The following SMIM36 variants were observed in gnomAD, a reference collection of about 807,000 sequenced individuals.
SMIM36 encodes the protein small integral membrane protein 36.
chr17:55,520,424 C>A, the SMIM36 span, among the ~76,000 whole-genome samples: 3 of 152,184 alleles, frequency 2.0e-5, no homozygotes, highest in Admixed American at 6.5e-5. Flanking sequence ...TTAAAGGAAG[C>A]AATTTATGGC....
intron 1 of SMIM36, among the ~76,000 whole-genome samples, chr17:55,491,919 G>A (rs766634959): frequency 1.3e-5 from 2 of 152,094 alleles, no homozygotes; most frequent in African/African-American, 4.8e-5. Context: ...CAGCACTTCC[G>A]GAGGCCGAGG....
the SMIM36 span, among the ~76,000 whole-genome samples, chr17:55,525,008 C>G: frequency 6.6e-6 from 1 of 152,186 alleles, no homozygotes; most frequent in Admixed American, 6.5e-5. Context: ...AACTGAGGCA[C>G]AGACAGGTTG....
chr17:55,492,805 A>G (rs572178100), intron 1 of SMIM36, among the ~76,000 whole-genome samples: 1 of 152,310 alleles, frequency 6.6e-6, no homozygotes, highest in South Asian at 2.1e-4. Flanking sequence ...TATGTTTCAC[A>G]TTGTTAAAGT....
At chr17:55,452,787 C>A (rs1908943432) in intron 4 of SMIM36, among the ~76,000 whole-genome samples, 1 of 152,208 alleles carries the variant, frequency 6.6e-6, no homozygotes, top group Non-Finnish European at 1.5e-5. Context: ...TACTCTCCTC[C>A]TCTGTAAATT....
At chr17:55,468,553 C>T (rs559524051) in intron 3 of SMIM36, among the ~76,000 whole-genome samples, 13 of 152,228 alleles carry the variant, frequency 8.5e-5, no homozygotes, top group African/African-American at 1.2e-4. Context: ...GTCTGATCAC[C>T]GTGGGGATGC....
the SMIM36 span, among the ~76,000 whole-genome samples, chr17:55,524,173 A>G: frequency 9.9e-5 from 15 of 152,156 alleles, no homozygotes; most frequent in Admixed American, 2.0e-4. Context: ...AACATGCATT[A>G]TTTGGTTTTC....
At chr17:55,523,057 G>T in the SMIM36 span, among the ~76,000 whole-genome samples, 4 of 152,136 alleles carry the variant, frequency 2.6e-5, no homozygotes, top group Non-Finnish European at 5.9e-5. Flanking sequence ...TTAATGCTGT[G>T]GGCTGAATTG....
chr17:55,493,342 G>C (rs1909745865), intron 1 of SMIM36, among the ~76,000 whole-genome samples: 1 of 152,178 alleles, frequency 6.6e-6, no homozygotes, highest in Non-Finnish European at 1.5e-5. Flanking sequence ...TTAGTGGCTG[G>C]GCTAAGAATT....
chr17:55,498,537 C>T (rs1909849105), intron 1 of SMIM36, among the ~76,000 whole-genome samples: 1 of 151,848 alleles, frequency 6.6e-6, no homozygotes, highest in South Asian at 2.1e-4. Context: ...ATGCCAGATA[C>T]TTTATGTGTG....
At chr17:55,515,084 G>GTTTTTTTTTTTTTTTTTTT (rs1567874075), upstream of SMIM36, among the ~76,000 whole-genome samples, 6 of 56,104 alleles carry the variant, frequency 1.1e-4, 2 homozygotes, top group Non-Finnish European at 1.4e-4. Context: ...TTCTAGTCTA[G>GTTTTTTTTTTTTTTTTTTT]TGTTTTTTTT....
chr17:55,459,978 T>C (rs1909107950), intron 4 of SMIM36, among the ~76,000 whole-genome samples: 1 of 151,874 alleles, frequency 6.6e-6, no homozygotes, highest in Non-Finnish European at 1.5e-5. Context: ...GGCAACAGAG[T>C]GAGACCCTGT....
upstream of SMIM36, among the ~76,000 whole-genome samples, chr17:55,515,697 C>G (rs1330407290): frequency 6.6e-6 from 1 of 152,212 alleles, no homozygotes; most frequent in Non-Finnish European, 1.5e-5. Flanking sequence ...AACTGGAAGA[C>G]AGGCCTGGGA....
exon 1 of SMIM36, chr17:55,511,243 G>A (rs1316012374): frequency 2.5e-6 from 1 of 398,544 alleles, no homozygotes; most frequent in Non-Finnish European, 4.4e-6. Context: ...TAGCACGCAG[G>A]AGATGAGGAA....
intron 1 of SMIM36, among the ~76,000 whole-genome samples, 191 bp downstream of exon 1, chr17:55,510,685 TATC>T (rs1302355118): frequency 6.7e-6 from 1 of 149,864 alleles, no homozygotes; most frequent in Non-Finnish European, 1.5e-5. Flanking sequence ...TCTCATTCCT[TATC>T]ACACACACGC....
chr17:55,451,878 C>T (rs1472202810), intron 4 of SMIM36, among the ~76,000 whole-genome samples: 1 of 152,194 alleles, frequency 6.6e-6, no homozygotes. Flanking sequence ...AGGAGGACCA[C>T]TTGAGGCCAG....
rs55879501 is a variant in SMIM36, at chr17:55,508,431, A to AATATATATATATATATATATAT, written c.*174+2426_*174+2447dup. On this transcript the variant is annotated intron_variant, in intron 1 of 4. Coordinates refer to ENST00000636752, the Ensembl canonical transcript of SMIM36. The stretch of plus-strand genomic sequence containing the variant: ...CATATTTTATATATATATTCCTAGG[A>AATATATATATATATATATATAT]ATATATATATATATATATATATATA... Among the ~76,000 whole-genome samples, 52 of 114,308 alleles carry AATATATATATATATATATATAT rather than the reference A, an allele frequency of 4.5e-4. 1 individual carries two copies. Among genetic ancestry groups the AATATATATATATATATATATAT allele is most frequent in the African/African-American group, 1.2e-3 (34 of 28,374 alleles). 75.0% of individuals were successfully genotyped at this position (114,308 alleles called of 152,430 possible).
At chr17:55,518,485 A>G in the SMIM36 span, among the ~76,000 whole-genome samples, 1 of 152,216 alleles carries the variant, frequency 6.6e-6, no homozygotes, top group Non-Finnish European at 1.5e-5. Context: ...TCGATCAAGT[A>G]AAATGAGAAT....
At chr17:55,502,950 G>A (rs557029640) in intron 1 of SMIM36, among the ~76,000 whole-genome samples, 14 of 151,008 alleles carry the variant, frequency 9.3e-5, no homozygotes, top group Admixed American at 5.3e-4. Context: ...GAGCCGATGC[G>A]ATCAACTGGA....
intron 1 of SMIM36, among the ~76,000 whole-genome samples, chr17:55,486,836 A>G (rs1909616412): frequency 6.6e-6 from 1 of 152,220 alleles, no homozygotes. Context: ...AATAACTAAT[A>G]TCAGCTCCCT....
Sources: allele counts gnomAD v4.1 joint callset (sites outside exome capture counted in the v4.1 genomes callset), GRCh38; gene constraint gnomAD v4.1.1; transcripts MANE v1.5; gene names NCBI Gene and HGNC (gene_info 2026-07-23, HGNC 2026-07-21).